The following COPS2 variants were observed in gnomAD, a reference collection of about 807,000 sequenced individuals.
The protein encoded by COPS2 is COP9 signalosome subunit 2, also known as COP9 signalosome complex subunit 2.
Under a neutral mutation model 66.1 loss-of-function variants are expected in COPS2, and 10 were observed. That is an observed-to-expected ratio of 0.15 (90% CI 0.09 to 0.26). The LOEUF (loss-of-function observed/expected upper bound fraction) is 0.26. Among genes scored for constraint, COPS2 ranks in the 10% least tolerant of loss-of-function variants. The pLI, the probability that COPS2 is intolerant of heterozygous loss-of-function variation, is 1.00. For synonymous variants in COPS2, 179 were observed against 171.3 expected (o/e 1.04, Z -0.35); for missense variants, 215 against 513.3 (o/e 0.42, Z 5.62).
chr15:49,145,701 T>G (rs2084316386), intron 1 of COPS2, among the ~76,000 whole-genome samples: 1 of 152,144 alleles, frequency 6.6e-6, no homozygotes, highest in South Asian at 2.1e-4. Flanking sequence ...TTTATATAAT[T>G]TTATGAGACT....
In COPS2 at chr15:49,126,132, GCA is replaced by G. The variant is rs2084163771; in HGVS notation, c.*1816_*1817del. On this transcript the variant is annotated 3_prime_UTR_variant, in exon 13 of 13. Transcript: ENST00000388901. ...ATATCACTCTTGTAAAAAAAGTTTA[GCA>G]CACTTTTCACAAATGATTTATGTAA... 1 of 152,250 alleles carries G rather than the reference GCA, an allele frequency of 6.6e-6. No homozygotes were observed. Among genetic ancestry groups the G allele is most frequent in the Non-Finnish European group, 1.5e-5 (1 of 67,882 alleles). 9.4% of individuals were successfully genotyped at this position (152,250 alleles called of 1,614,324 possible).
At chr15:49,155,500 C>T (rs2084422010) in intron 1 of COPS2, 25 bp downstream of exon 1, 6 of 1,613,178 alleles carry the variant, frequency 3.7e-6, no homozygotes, top group Non-Finnish European at 5.1e-6. Context: ...TCACCACCCT[C>T]AGAGTTCCAT....
Position 49,127,230 on chromosome 15 carries a change from T to C in COPS2, c.*720A>G, listed in dbSNP as rs2084174284. 6.6e-6 allele frequency: 1 copy of C among 152,446 alleles called. No homozygotes were observed. The highest frequency in any genetic ancestry group is 2.4e-5 in the African/African-American group (1 of 41,438). The allele number at this position is 152,446 out of a possible 1,614,324, so 9.4% of individuals were successfully genotyped here. ...AAAACTTGAAAGCAAATAACCAACT[T>C]ATTTGCCCCCAGGCTTTTTAAAATC... On this transcript the variant is annotated 3_prime_UTR_variant, in exon 13 of 13. Transcript: ENST00000388901.
chr15:49,141,618 C>G (rs865898059), intron 3 of COPS2, among the ~76,000 whole-genome samples: 1 of 152,062 alleles, frequency 6.6e-6, no homozygotes, highest in African/African-American at 2.4e-5. Context: ...GTAAATTGGT[C>G]CCAGAGAAGT....
At chr15:49,136,993 A>C (rs181221604) in intron 6 of COPS2, among the ~76,000 whole-genome samples, 157 bp downstream of exon 6, 8 of 106,850 alleles carry the variant, frequency 7.5e-5, no homozygotes, top group South Asian at 3.2e-4. Flanking sequence ...CCTCTCTCTC[A>C]AAAAAAAAAA....
At chr15:49,152,835 TA>T (rs2084372211) in intron 1 of COPS2, among the ~76,000 whole-genome samples, 1 of 152,016 alleles carries the variant, frequency 6.6e-6, no homozygotes, top group Non-Finnish European at 1.5e-5. Flanking sequence ...AAAAAAAAGT[TA>T]AAGCAATTAT....
At chr15:49,141,578 C>T (rs1450829192) in intron 3 of COPS2, among the ~76,000 whole-genome samples, 1 of 152,020 alleles carries the variant, frequency 6.6e-6, no homozygotes, top group Non-Finnish European at 1.5e-5. Flanking sequence ...AAAACAATTA[C>T]ATTCTAATTA....
intron 3 of COPS2, among the ~76,000 whole-genome samples, chr15:49,141,624 G>A (rs12911571): frequency 6.6e-6 from 1 of 152,138 alleles, no homozygotes; most frequent in African/African-American, 2.4e-5. Context: ...TGGTCCCAGA[G>A]AAGTTGATAG....
chr15:49,145,677 T>C (rs529889127), intron 1 of COPS2, among the ~76,000 whole-genome samples: 35 of 151,974 alleles, frequency 2.3e-4, no homozygotes, highest in Non-Finnish European at 4.0e-4. Flanking sequence ...TCAAAATAAA[T>C]AAAACAAAAT....
intron 8 of COPS2, 22 bp from the exon 9 acceptor site, chr15:49,133,833 A>C: frequency 1.9e-6 from 3 of 1,563,732 alleles, no homozygotes; most frequent in Non-Finnish European, 2.6e-6. Flanking sequence ...AAAGAAAAAA[A>C]TTAAATATAT....
chr15:49,134,945 AAAC>A (rs1348827909), intron 6 of COPS2, among the ~76,000 whole-genome samples: 1 of 152,218 alleles, frequency 6.6e-6, no homozygotes, highest in Non-Finnish European at 1.5e-5. Context: ...GTGTTGAACA[AAAC>A]AACATTAAAT....
Position 49,123,357 on chromosome 15 carries a change from T to C in COPS2, c.*4593A>G, listed in dbSNP as rs1011138467. ...AATTAAAAAATTACTCTAGATTATG[T>C]AAATTTGGACAGTCTTCCACATGAA... On this transcript the variant is annotated 3_prime_UTR_variant, in exon 13 of 13. Coordinates refer to ENST00000388901, the MANE Select transcript of COPS2 (RefSeq NM_004236.4). 1 of 152,206 alleles carries C rather than the reference T, an allele frequency of 6.6e-6. No individual in the cohort carries two copies. The highest frequency in any genetic ancestry group is 1.5e-5 in the Non-Finnish European group (1 of 68,018). 9.4% of individuals were successfully genotyped at this position (152,206 alleles called of 1,614,324 possible).
chr15:49,133,223 T>TC (rs2084226866), intron 9 of COPS2, among the ~76,000 whole-genome samples: 1 of 152,174 alleles, frequency 6.6e-6, no homozygotes, highest in South Asian at 2.1e-4. Context: ...CTCCTGATCT[T>TC]GTGATCCACC....
At chr15:49,139,744 A>G in intron 3 of COPS2, 91 bp from the exon 4 acceptor site, 4 of 906,988 alleles carry the variant, frequency 4.4e-6, no homozygotes, top group Non-Finnish European at 5.0e-6. Flanking sequence ...CTACTACATA[A>G]TGAAATGTAG....
intron 3 of COPS2, among the ~76,000 whole-genome samples, chr15:49,141,150 T>C (rs1054675555): frequency 6.6e-6 from 1 of 152,164 alleles, no homozygotes; most frequent in Non-Finnish European, 1.5e-5. Flanking sequence ...ATCAGAGAAA[T>C]ACGACTATCC....
At chr15:49,155,377 A>C in intron 1 of COPS2, 148 bp downstream of exon 1, 12 of 672,214 alleles carry the variant, frequency 1.8e-5, no homozygotes, top group East Asian at 5.8e-5. Flanking sequence ...CGGTGCGGGA[A>C]CGGGGAGGAG....
chr15:49,128,358 A>G (rs953599003), intron 12 of COPS2, among the ~76,000 whole-genome samples: 5 of 152,240 alleles, frequency 3.3e-5, no homozygotes, highest in Admixed American at 3.3e-4. Context: ...TCACCTGTGA[A>G]GCTTTAAACA....
intron 1 of COPS2, among the ~76,000 whole-genome samples, chr15:49,147,601 G>GTCATA (rs531039842): frequency 2.7e-4 from 41 of 151,870 alleles, no homozygotes; most frequent in African/African-American, 8.0e-4. Flanking sequence ...GACATTTCCT[G>GTCATA]TCATATGTCA....
chr15:49,135,402 C>T (rs1010399212), intron 6 of COPS2, among the ~76,000 whole-genome samples: 1 of 152,074 alleles, frequency 6.6e-6, no homozygotes, highest in African/African-American at 2.4e-5. Flanking sequence ...TTAAAAAAGC[C>T]AAGGTTCCCG....
Sources: allele counts gnomAD v4.1 joint callset (sites outside exome capture counted in the v4.1 genomes callset), GRCh38; gene constraint gnomAD v4.1.1; transcripts MANE v1.5; gene names NCBI Gene and HGNC (gene_info 2026-07-23, HGNC 2026-07-21).